PCNT: variants seen among roughly 807,000 people sequenced by gnomAD.
PCNT encodes the protein kendrin.
In PCNT, 319 loss-of-function variants were observed where a neutral mutation model predicts 380.4. The observed-to-expected ratio is 0.84, with a 90% CI of 0.77 to 0.92. PCNT has a LOEUF of 0.92. PCNT is among the 40% of genes least tolerant of loss of function. The probability of loss-of-function intolerance (pLI) is 0.00; values close to 1 mark genes in which losing one functional copy is unlikely to be tolerated. For synonymous variants in PCNT, 1,845 were observed against 1,735.2 expected (o/e 1.06, Z -1.57); for missense variants, 4,400 against 4,255.3 (o/e 1.03, Z -0.95).
At chr21:46,364,381 G>A (rs1278391364) in intron 14 of PCNT, among the ~76,000 whole-genome samples, 1 of 152,258 alleles carries the variant, frequency 6.6e-6, no homozygotes, top group Non-Finnish European at 1.5e-5. Flanking sequence ...GTTTGGACGG[G>A]CAGGCTGGCA....
intron 30 of PCNT, among the ~76,000 whole-genome samples, chr21:46,417,297 C>G (rs922609827): frequency 6.9e-6 from 1 of 145,400 alleles, no homozygotes; most frequent in Non-Finnish European, 1.5e-5. Flanking sequence ...CAGGTTCAAG[C>G]AAATCTCCTG....
At position 46,443,898 on chromosome 21, in the gene PCNT, T is replaced by C. The variant is rs763795042; in HGVS notation, c.9789T>C (p.Pro3263=). ...TACCCTCTGGCCACACCAGGGACCC[T>C]GCCAGAGGCCGCAGACTGGCAGCAG... The part of the protein sequence containing the change: ...RDVPSGHTRD[P]ARGRRLAAAA... Residue 3263 remains proline, a synonymous_variant, in exon 45 of 47, where the codon CCT becomes CCC. Transcript: ENST00000359568. The C allele has an allele frequency of 6.2e-7, 1 of 1,612,906 alleles. No individual in the cohort carries two copies. The highest frequency in any genetic ancestry group is 1.7e-5 in the Admixed American group (1 of 60,026).
chr21:46,397,434 C>T lies in PCNT; in HGVS notation c.4386C>T (p.Ala1462=), dbSNP rs765908073. Residue 1462 remains alanine, a synonymous_variant, in exon 22 of 47, where the codon GCC becomes GCT. Coordinates refer to ENST00000359568, the MANE Select transcript of PCNT (RefSeq NM_006031.6). Reference sequence around the variant, plus strand: ...CCAAGCAGGCGGAGGCCGTCACTGCCCTGGAACAGCAGGTGGCATCTCTGG... The same window carrying T: ...CCAAGCAGGCGGAGGCCGTCACTGCTCTGGAACAGCAGGTGGCATCTCTGG... The part of the protein sequence containing the change: ...GCAKQAEAVT[A]LEQQVASLDK... The T allele has an allele frequency of 1.2e-6, 2 of 1,614,058 alleles. No homozygotes were observed. Among genetic ancestry groups the T allele is most frequent in the Non-Finnish European group, 1.7e-6 (2 of 1,180,040 alleles).
chr21:46,390,822 C>A lies in PCNT; in HGVS notation c.3993C>A (p.His1331Gln). 1 of 1,608,662 alleles carries A rather than the reference C, an allele frequency of 6.2e-7. No homozygotes were observed. Residue 1331 changes from histidine to glutamine, a missense_variant, in exon 20 of 47, where the codon CAC becomes CAA. His to Gln is a conservative substitution (Grantham distance 24, BLOSUM62 0). Coordinates refer to ENST00000359568, the MANE Select transcript of PCNT (RefSeq NM_006031.6). ...AGGCAGAGCTGGCGCTGGAGCTGCA[C>A]AAGACTCAGGGTGAGCAGCATGAGG... ...AAKAELALEL[H>Q]KTQGTLEGFK...
At chr21:46,359,831 G>T (rs1403616393) in intron 13 of PCNT, among the ~76,000 whole-genome samples, 18 of 150,728 alleles carry the variant, frequency 1.2e-4, no homozygotes, top group African/African-American at 4.4e-4. Flanking sequence ...TGTGCATTTT[G>T]TCTGGTGTAT....
intron 15 of PCNT, among the ~76,000 whole-genome samples, chr21:46,370,896 A>G (rs796372098): frequency 7.2e-5 from 11 of 152,248 alleles, no homozygotes; most frequent in Middle Eastern, 6.8e-3. Flanking sequence ...TTAGACAGGC[A>G]TGGTGGTGGG....
intron 8 of PCNT, among the ~76,000 whole-genome samples, 161 bp from the exon 9 acceptor site, chr21:46,351,268 C>T (rs942032295): frequency 6.6e-6 from 1 of 152,174 alleles, no homozygotes; most frequent in African/African-American, 2.4e-5. Flanking sequence ...GGACAGAGCT[C>T]TCTCGGTCTC....
chr21:46,419,058 C>T (rs1325088566), intron 31 of PCNT, among the ~76,000 whole-genome samples: 1 of 152,156 alleles, frequency 6.6e-6, no homozygotes, highest in African/African-American at 2.4e-5. Flanking sequence ...CCTGCCACAC[C>T]GTCCTTTTTT....
chr21:46,442,801 G>A (rs2053645657), intron 44 of PCNT: 1 of 593,918 alleles, frequency 1.7e-6, no homozygotes, highest in Non-Finnish European at 3.0e-6. Flanking sequence ...TACGGCGATG[G>A]GAAACACTGA....
chr21:46,331,275 G>A (rs1313813865), intron 2 of PCNT, among the ~76,000 whole-genome samples: 2 of 152,020 alleles, frequency 1.3e-5, no homozygotes, highest in Admixed American at 6.6e-5. Context: ...TCCCACCTCG[G>A]CCTCCCAAAG....
chr21:46,433,551 C>T (rs1483183839), intron 38 of PCNT, among the ~76,000 whole-genome samples: 1 of 152,114 alleles, frequency 6.6e-6, no homozygotes, highest in African/African-American at 2.4e-5. Flanking sequence ...TTGCCTTTCT[C>T]CTGGGCAAGA....
rs369866121 is a variant in PCNT at position 46,363,922 on chromosome 21, T to A, written c.2597T>A (p.Leu866Gln). 3.7e-6 allele frequency: 6 copies of A among 1,607,968 alleles called. No individual in the cohort carries two copies. In the African/African-American group the frequency reaches 8.0e-5, roughly 21 times the overall value. ...VKEDCALQLM[L>Q]ARSRFLEERK... The stretch of plus-strand genomic sequence containing the variant: ...GAAGACTGCGCCCTGCAGCTGATGC[T>A]GGCCCGGAGCAGGTGGGTTTGCAGT... Residue 866 changes from leucine (L) to glutamine (Q), a missense_variant, in exon 14 of 47, where the codon CTG (leucine) becomes CAG (glutamine). Physicochemically the swap from Leu to Gln is moderately radical, Grantham distance 113 (BLOSUM62 -2). Transcript: ENST00000359568.
chr21:46,343,706 C>T (rs1020750859), intron 3 of PCNT, among the ~76,000 whole-genome samples: 1 of 152,174 alleles, frequency 6.6e-6, no homozygotes, highest in Non-Finnish European at 1.5e-5. Flanking sequence ...ACCAATTCTT[C>T]TTTGAATGTC....
In PCNT at chr21:46,356,906, T is replaced by G. The variant is rs200130633; in HGVS notation, c.1937-68T>G. 2,687 of 1,363,652 alleles carry G rather than the reference T, an allele frequency of 2.0e-3. 3 individuals carry two copies. Among genetic ancestry groups the G allele is most frequent in the Non-Finnish European group, 2.7e-3 (2,592 of 953,098 alleles). 84.5% of individuals were successfully genotyped at this position (1,363,652 alleles called of 1,614,324 possible). A position where few individuals can be genotyped will look rare whatever the true frequency, so the allele number is the denominator to read the frequency against. On this transcript the variant is annotated intron_variant, in intron 12 of 46. Coordinates refer to ENST00000359568, the MANE Select transcript of PCNT (RefSeq NM_006031.6). ...CATTTATAGGTTGCCGTTCTGCCTG[T>G]GCGGACTGTGGGCTCCATCGAGGGC...
rs767119949 is a variant in PCNT, at chr21:46,411,506, C to T, written c.5433C>T (p.Arg1811=). The change falls in exon 28 of 47, where the codon CGC becomes CGT. Residue 1811 remains arginine, a synonymous_variant. Coordinates refer to ENST00000359568, the MANE Select transcript of PCNT (RefSeq NM_006031.6). The part of the protein sequence containing the change: ...ALSRLLADQE[R]RHSQALEALQ... The stretch of plus-strand genomic sequence containing the variant: ...GCCGGCTGCTGGCTGACCAGGAGCG[C>T]AGGCACAGCCAGGCCCTGGAGGCCC... The T allele has an allele frequency of 6.2e-7, 1 of 1,609,202 alleles. No individual in the cohort carries two copies. Among genetic ancestry groups the T allele is most frequent in the Non-Finnish European group, 8.5e-7 (1 of 1,178,318 alleles).
At chr21:46,358,493 G>A (rs1032590277) in intron 13 of PCNT, among the ~76,000 whole-genome samples, 13 of 152,254 alleles carry the variant, frequency 8.5e-5, no homozygotes, top group African/African-American at 3.1e-4. Flanking sequence ...GTGGGGAGCC[G>A]GACAGGCGGT....
At chr21:46,422,146 C>T (rs750408535) in intron 32 of PCNT, 22 bp downstream of exon 32, 5 of 1,612,460 alleles carry the variant, frequency 3.1e-6, no homozygotes, top group Non-Finnish European at 4.2e-6. Flanking sequence ...AGGGGCGGCC[C>T]TCACAGCTTC....
intron 2 of PCNT, 152 bp from the exon 3 acceptor site, chr21:46,334,245 A>G (rs1393741764): frequency 1.1e-5 from 11 of 998,418 alleles, no homozygotes; most frequent in Non-Finnish European, 1.7e-5. Flanking sequence ...GGAATTGTTA[A>G]TGCGGAAGGT....
rs778869031 is a variant in PCNT, at chr21:46,436,156, C to G, written c.8996+8C>G. 8 of 1,604,478 alleles carry G rather than the reference C, an allele frequency of 5.0e-6. No homozygotes were observed. The Admixed American group carries it at 1.3e-4, about 27-fold the overall frequency. On this transcript the variant is annotated splice_region_variant and intron_variant, in intron 39 of 46. Coordinates refer to ENST00000359568, the MANE Select transcript of PCNT (RefSeq NM_006031.6). ...CAGCCAGGCCGTGGACAGGTGTGCA[C>G]CCACGCCACCTGGCGCTCACTGGTC...
Sources: gnomAD v4.1 joint callset for allele counts (sites outside exome capture counted in the v4.1 genomes callset) on GRCh38, gnomAD v4.1.1 for gene constraint, MANE v1.5 for transcripts, NCBI Gene and HGNC (gene_info 2026-07-23, HGNC 2026-07-21) for gene names.